Variants in CCDC57 observed in about 807,000 individuals in gnomAD.
CCDC57 encodes the protein coiled-coil domain-containing protein 57.
CCDC57 carries 118 observed loss-of-function variants against 118.9 expected under a neutral mutation model. The ratio of observed to expected loss-of-function variants is 0.99; its 90% confidence interval spans 0.86 to 1.16. CCDC57 has a LOEUF of 1.16. Ranked by LOEUF, CCDC57 falls within the 50% of genes most tolerant of loss-of-function variation. The pLI is 0.00. For missense variants in CCDC57, 1,300 were observed against 1,320.7 expected, an observed-to-expected ratio of 0.98 and a Z score of 0.24; for synonymous variants, 527 against 532.9, an observed-to-expected ratio of 0.99 and a Z score of 0.15.
intron 19 of CCDC57, among the ~76,000 whole-genome samples, chr17:82,121,461 G>A (rs2036670717): frequency 1.3e-5 from 2 of 152,230 alleles, no homozygotes; most frequent in South Asian, 4.1e-4. Context: ...CTGGAGCCGG[G>A]TCATAGGGAG....
intron 13 of CCDC57, among the ~76,000 whole-genome samples, chr17:82,166,913 C>G (rs1265893430): frequency 6.6e-6 from 1 of 151,824 alleles, no homozygotes; most frequent in Non-Finnish European, 1.5e-5. Context: ...AAGGCCCTGT[C>G]TCAAAAACAA....
intron 3 of CCDC57, among the ~76,000 whole-genome samples, chr17:82,201,245 A>G (rs565348895): frequency 6.6e-6 from 1 of 152,284 alleles, no homozygotes; most frequent in Non-Finnish European, 1.5e-5. Context: ...TTTATAATTA[A>G]TGAAATAAAT....
exon 8 of CCDC57, chr17:82,188,258 T>C: frequency 6.4e-7 from 1 of 1,566,538 alleles, no homozygotes; most frequent in Non-Finnish European, 8.6e-7. Context: ...GGTGTCAGCC[T>C]GTCTCCACTC....
At chr17:82,115,264 C>T (rs1417626480) in intron 19 of CCDC57, among the ~76,000 whole-genome samples, 2 of 103,134 alleles carry the variant, frequency 1.9e-5, no homozygotes, top group East Asian at 2.4e-4. Flanking sequence ...TCGGGCTGTC[C>T]GGGAAGAGGG....
chr17:82,168,397 C>A (rs1003698609), intron 13 of CCDC57, among the ~76,000 whole-genome samples: 2 of 152,200 alleles, frequency 1.3e-5, no homozygotes, highest in Non-Finnish European at 2.9e-5. Context: ...AAGTTCGAGA[C>A]CAGCCTGGCC....
At chr17:82,190,695 C>CAAAAAA (rs533549239) in intron 7 of CCDC57, among the ~76,000 whole-genome samples, 1 of 49,960 alleles carries the variant, frequency 2.0e-5, no homozygotes, top group Admixed American at 2.1e-4. Flanking sequence ...GACTCTGTCT[C>CAAAAAA]AAAAAAAAAA....
intron 2 of CCDC57, among the ~76,000 whole-genome samples, chr17:82,204,873 G>T (rs2049424975): frequency 6.6e-6 from 1 of 152,212 alleles, no homozygotes; most frequent in African/African-American, 2.4e-5. Flanking sequence ...TGCCCTCAGA[G>T]CCTGGGATGT....
Position 82,172,585 on chromosome 17 carries a change from C to T in CCDC57, c.1729+53G>A. ...GACCCATGCTCCCGTCTGTCCTCCTCCCTCCCTCTCCCCCTTCCTCTCCCG... is the reference window on the plus strand; with the variant it reads ...GACCCATGCTCCCGTCTGTCCTCCTTCCTCCCTCTCCCCCTTCCTCTCCCG... On this transcript the variant is annotated intron_variant, in intron 12 of 19. Coordinates refer to ENST00000665763, the Ensembl canonical transcript of CCDC57. This position sits in a 1 kb window ranked among gnomAD's most constrained non-coding sequence, Gnocchi z 5.2. 6.8e-7 allele frequency: 1 copy of T among 1,463,034 alleles called. No individual in the cohort carries two copies. Among genetic ancestry groups the T allele is most frequent in the Non-Finnish European group, 9.4e-7 (1 of 1,068,776 alleles). The allele number at this position is 1,463,034 out of a possible 1,614,324, so 90.6% of individuals were successfully genotyped here.
chr17:82,124,029 A>C (rs2037092750), intron 19 of CCDC57, among the ~76,000 whole-genome samples: 1 of 152,040 alleles, frequency 6.6e-6, no homozygotes, highest in Non-Finnish European at 1.5e-5. Flanking sequence ...AAAAATGCAA[A>C]CTTCATTTTC....
At position 82,123,293 on chromosome 17, in the gene CCDC57, C is replaced by CTT. The variant is rs35898082; in HGVS notation, c.2899+4397_2899+4398dup. ...CAGGCATGAACCAGTGTGCCCGGCC[C>CTT]TTTTTTTTTTTTTTTTTTTGAGATG... On this transcript the variant is annotated intron_variant, in intron 19 of 19. Coordinates refer to ENST00000665763, the Ensembl canonical transcript of CCDC57. Among the ~76,000 whole-genome samples the CTT allele has an allele frequency of 1.7e-3, 189 of 111,070 alleles. 1 individual carries two copies. The highest frequency in any genetic ancestry group is 6.0e-3 in the African/African-American group (176 of 29,346). 72.9% of individuals were successfully genotyped at this position (111,070 alleles called of 152,430 possible). A position where few individuals can be genotyped will look rare whatever the true frequency, so the allele number is the denominator to read the frequency against.
intron 13 of CCDC57, among the ~76,000 whole-genome samples, chr17:82,166,124 T>TA (rs11399966): frequency 0.47 from 70,146 of 149,818 alleles, 17,070 homozygotes; most frequent in East Asian, 0.88. Flanking sequence ...CATCTCTGAT[T>TA]AAAAAAAAAA....
chr17:82,124,912 T>C, intron 19 of CCDC57, among the ~76,000 whole-genome samples: 1 of 152,144 alleles, frequency 6.6e-6, no homozygotes, highest in East Asian at 1.9e-4. Flanking sequence ...AGAAGAACTT[T>C]CCATTGAGTT....
At chr17:82,167,873 C>T (rs1485459816) in intron 13 of CCDC57, among the ~76,000 whole-genome samples, 1 of 152,214 alleles carries the variant, frequency 6.6e-6, no homozygotes, top group Non-Finnish European at 1.5e-5. Context: ...GCCTTGGCCT[C>T]CCAAAGTGCT....
chr17:82,102,881 A>G (rs2034553856), intron 19 of CCDC57, among the ~76,000 whole-genome samples: 1 of 139,784 alleles, frequency 7.2e-6, no homozygotes, highest in Non-Finnish European at 1.5e-5. Context: ...GGCAAACTCT[A>G]TCTCAAAAAA....
intron 9 of CCDC57, among the ~76,000 whole-genome samples, chr17:82,179,839 C>T (rs1433804560): frequency 2.0e-5 from 3 of 152,130 alleles, no homozygotes; most frequent in African/African-American, 4.8e-5. Context: ...TAAGGGGAAA[C>T]GTTATAGTAT....
intron 16 of CCDC57, among the ~76,000 whole-genome samples, chr17:82,137,072 C>T (rs916337762): frequency 4.1e-4 from 55 of 134,426 alleles, no homozygotes; most frequent in Admixed American, 6.1e-4. Flanking sequence ...GGATGGAGTG[C>T]AGTGGTGTGA....
exon 13 of CCDC57, chr17:82,171,753 G>C: frequency 6.2e-7 from 1 of 1,613,898 alleles, no homozygotes; most frequent in Non-Finnish European, 8.5e-7. Context: ...CATGAGGTGA[G>C]GACATCTTTA....
intron 19 of CCDC57, among the ~76,000 whole-genome samples, chr17:82,122,747 G>A (rs7406858): frequency 0.54 from 81,445 of 152,020 alleles, 22,661 homozygotes; most frequent in Non-Finnish European, 0.58. Context: ...CCCTGCACAC[G>A]GGCACCGAGC....
chr17:82,113,781 A>AT (rs2035486052), intron 19 of CCDC57: 1 of 653,412 alleles, frequency 1.5e-6, no homozygotes, highest in African/African-American at 1.8e-5. Context: ...AAAAAATAAA[A>AT]TAACATGTAA....
Sources: allele counts gnomAD v4.1 joint callset (sites outside exome capture counted in the v4.1 genomes callset), GRCh38; gene constraint gnomAD v4.1.1; non-coding constraint Gnocchi (gnomAD v3.1); transcripts MANE v1.5; gene names NCBI Gene and HGNC (gene_info 2026-07-23, HGNC 2026-07-21).